The following SHARPIN variants were observed in gnomAD, a reference collection of about 807,000 sequenced individuals.
SHARPIN encodes the protein hSIPL1.
In SHARPIN, 25 loss-of-function variants were observed where a neutral mutation model predicts 40.3. That is an observed-to-expected ratio of 0.62 (90% CI 0.45 to 0.87). SHARPIN has a LOEUF of 0.87. SHARPIN is among the 40% of genes least tolerant of loss of function. The probability of loss-of-function intolerance (pLI) is 0.00; values close to 1 mark genes in which losing one functional copy is unlikely to be tolerated. For missense variants in SHARPIN, 551 were observed against 516.1 expected, an observed-to-expected ratio of 1.07 and a Z score of -0.66; for synonymous variants, 274 against 221.8, an observed-to-expected ratio of 1.24 and a Z score of -2.09.
intron 2 of SHARPIN, chr8:144,102,553 G>C (rs963553064): frequency 2.3e-5 from 4 of 170,636 alleles, no homozygotes; most frequent in African/African-American, 9.6e-5. Context: ...AATTACAGGC[G>C]TGAGCCACCC....
At chr8:144,101,387 C>T (rs959330196) in intron 2 of SHARPIN, among the ~76,000 whole-genome samples, 1 of 146,164 alleles carries the variant, frequency 6.8e-6, no homozygotes, top group Non-Finnish European at 1.5e-5. Flanking sequence ...CAGGCAGACA[C>T]GACTACACTC....
intron 2 of SHARPIN, among the ~76,000 whole-genome samples, chr8:144,101,243 T>G (rs1446525208): frequency 4.1e-5 from 5 of 122,544 alleles, no homozygotes; most frequent in East Asian, 2.0e-4. Flanking sequence ...ATTATTTTTG[T>G]TTTTTTTTTT....
At position 144,098,780 on chromosome 8, in the gene SHARPIN, C is replaced by T. The variant is rs528356654; in HGVS notation, c.*21G>A. 4.2e-4 allele frequency: 399 copies of T among 939,420 alleles called. 2 individuals carry two copies. In the Middle Eastern group the frequency reaches 7.6e-3, roughly 18 times the overall value. 58.2% of individuals were successfully genotyped at this position (939,420 alleles called of 1,614,324 possible). Reference sequence around the variant, plus strand: ...ACTTGTGAGGGAAGGGCCACTCTCCCCTTGTAACCTGTGGGGGAGGAGCTG... The same window carrying T: ...ACTTGTGAGGGAAGGGCCACTCTCCTCTTGTAACCTGTGGGGGAGGAGCTG... On this transcript the variant is annotated 3_prime_UTR_variant, in exon 9 of 9. Transcript: ENST00000398712.
chr8:144,100,745 CAG>C (rs1208824770), intron 2 of SHARPIN: 2 of 153,342 alleles, frequency 1.3e-5, no homozygotes, highest in East Asian at 3.8e-4. Context: ...ATGCTCACCT[CAG>C]GGTTTGTTTG....
chr8:144,103,522 G>A (rs1205683535), intron 1 of SHARPIN, 31 bp downstream of exon 1: 12 of 1,528,578 alleles, frequency 7.9e-6, no homozygotes, highest in African/African-American at 2.8e-5. Flanking sequence ...GGGCCAAGAG[G>A]ACTGACCGCG....
chr8:144,101,948 ACTGT>A (rs1439385067), intron 2 of SHARPIN, among the ~76,000 whole-genome samples: 1 of 151,940 alleles, frequency 6.6e-6, no homozygotes, highest in African/African-American at 2.4e-5. Context: ...CTCTTACATC[ACTGT>A]CTGGCTGTCT....
At chr8:144,102,472 C>T (rs997594600) in intron 2 of SHARPIN, among the ~76,000 whole-genome samples, 1 of 152,072 alleles carries the variant, frequency 6.6e-6, no homozygotes, top group Admixed American at 6.6e-5. Flanking sequence ...CAGGGTTTCA[C>T]CTTGCTGACC....
At position 144,103,552 on chromosome 8, in the gene SHARPIN, C is replaced by G. The variant is rs1182300965; in HGVS notation, c.201+1G>C. On this transcript the variant is annotated splice_donor_variant, in intron 1 of 8. Transcript: ENST00000398712. LOFTEE classifies it high-confidence loss of function. ...ACCGCGCGCCCTCCGCCCCCACTCACCGCCCCAGGTCCCGCGCCCAGCAGC... is the reference window on the plus strand; with the variant it reads ...ACCGCGCGCCCTCCGCCCCCACTCAGCGCCCCAGGTCCCGCGCCCAGCAGC... 3 of 1,531,798 alleles carry G rather than the reference C, an allele frequency of 2.0e-6. No individual in the cohort carries two copies. Among genetic ancestry groups the G allele is most frequent in the Non-Finnish European group, 2.6e-6 (3 of 1,145,686 alleles). The allele number at this position is 1,531,798 out of a possible 1,614,324, so 94.9% of individuals were successfully genotyped here. A position where few individuals can be genotyped will look rare whatever the true frequency, so the allele number is the denominator to read the frequency against.
At chr8:144,103,021 T>C (rs766369803) in intron 2 of SHARPIN, 30 bp downstream of exon 2, 2 of 1,611,554 alleles carry the variant, frequency 1.2e-6, no homozygotes, top group African/African-American at 1.3e-5. Flanking sequence ...CTATTCCAAA[T>C]TGTAATTGTA....
Position 144,098,776 on chromosome 8 carries a change from C to T in SHARPIN, c.*25G>A. 3 of 897,944 alleles carry T rather than the reference C, an allele frequency of 3.3e-6. No homozygotes were observed. Among genetic ancestry groups the T allele is most frequent in the Non-Finnish European group, 5.0e-6 (3 of 599,088 alleles). 55.6% of individuals were successfully genotyped at this position (897,944 alleles called of 1,614,324 possible). On this transcript the variant is annotated 3_prime_UTR_variant, in exon 9 of 9. Coordinates refer to ENST00000398712, the MANE Select transcript of SHARPIN (RefSeq NM_030974.4). ...TCGGACTTGTGAGGGAAGGGCCACT[C>T]TCCCCTTGTAACCTGTGGGGGAGGA...
At chr8:144,102,669 G>A (rs1169302681) in intron 2 of SHARPIN, 5 of 339,204 alleles carry the variant, frequency 1.5e-5, no homozygotes, top group South Asian at 2.7e-5. Flanking sequence ...TAAGCAGGAG[G>A]TATCTGAGTC....
Position 144,099,409 on chromosome 8 carries a change from G to A in SHARPIN, c.790C>T (p.Pro264Ser). Reference protein sequence around the residue: ...QEQVFSELGFPPAVQRWVIGR... With the variant: ...QEQVFSELGFSPAVQRWVIGR... ...ATGACCCAGCGTTGCACGGCTGGCG[G>A]GAAACCGAGCTCTGAGAACACCTGT... is the stretch of plus-strand genomic sequence containing the variant. The change falls in exon 6 of 9, where the codon CCG (proline) becomes TCG (serine). Residue 264 changes from proline (P) to serine (S), a missense_variant. Coordinates refer to ENST00000398712, the MANE Select transcript of SHARPIN (RefSeq NM_030974.4). 6.2e-7 allele frequency: 1 copy of A among 1,612,554 alleles called. No homozygotes were observed. Among genetic ancestry groups the A allele is most frequent in the Non-Finnish European group, 8.5e-7 (1 of 1,179,140 alleles).
intron 2 of SHARPIN, among the ~76,000 whole-genome samples, chr8:144,102,351 G>A (rs1231663924): frequency 6.8e-6 from 1 of 147,212 alleles, no homozygotes; most frequent in Non-Finnish European, 1.5e-5. Context: ...TCAGCTCACT[G>A]CAACCTCTGC....
rs775877099 is a variant in SHARPIN, at chr8:144,103,003, G to A, written c.376+48C>T. 3.1e-6 allele frequency: 5 copies of A among 1,609,374 alleles called. No homozygotes were observed. The East Asian group carries it at 1.1e-4, about 36-fold the overall frequency. ...CCAACTTCCCCAACCAGGACTGGGG[G>A]GCCAAGGCTATTCCAAATTGTAATT... On this transcript the variant is annotated intron_variant, in intron 2 of 8. Transcript: ENST00000398712.
At chr8:144,103,401 G>A (rs1836330837) in intron 1 of SHARPIN, 152 bp downstream of exon 1, 1 of 1,053,460 alleles carries the variant, frequency 9.5e-7, no homozygotes, top group Non-Finnish European at 1.4e-6. Flanking sequence ...CAGTAGGTCC[G>A]AGCGTCACCC....
chr8:144,101,558 A>G (rs1396898478), intron 2 of SHARPIN, among the ~76,000 whole-genome samples: 1 of 143,320 alleles, frequency 7.0e-6, no homozygotes, highest in Non-Finnish European at 1.5e-5. Context: ...ATAGGTCCCC[A>G]CCACCACACC....
rs961324449 is a variant in SHARPIN, at chr8:144,099,771, G to A, written c.591C>T (p.Val197=). The change falls in exon 4 of 9, where the codon GTC becomes GTT. Residue 197 remains valine (V), a synonymous_variant. Coordinates refer to ENST00000398712, the MANE Select transcript of SHARPIN (RefSeq NM_030974.4). ...TCAGGGCCACACGATGCTGGGCCAG[G>A]ACGGCTGCCACTTGGGCTGCCCCCT... The part of the protein sequence containing the change: ...DEKGAAQVAA[V]LAQHRVALSV... 1.3e-5 allele frequency: 21 copies of A among 1,612,888 alleles called. No homozygotes were observed. In the African/African-American group the frequency reaches 2.7e-4, roughly 21 times the overall value.
At chr8:144,102,987 C>T in intron 2 of SHARPIN, 64 bp downstream of exon 2, 1 of 1,601,562 alleles carries the variant, frequency 6.2e-7, no homozygotes, top group Non-Finnish European at 8.5e-7. Flanking sequence ...TCCAACTTCC[C>T]CAACCAGGAC....
At position 144,099,405 on chromosome 8, in the gene SHARPIN, G is replaced by C; in HGVS notation, c.794C>G (p.Pro265Arg). 1 of 1,612,966 alleles carries C rather than the reference G, an allele frequency of 6.2e-7. No homozygotes were observed. The highest frequency in any genetic ancestry group is 2.2e-5 in the East Asian group (1 of 44,882). Residue 265 changes from proline (P) to arginine (R), a missense_variant, in exon 6 of 9, where the codon CCA (proline) becomes CGA (arginine). Pro to Arg is a moderately radical substitution (Grantham distance 103, BLOSUM62 -2). Coordinates refer to ENST00000398712, the MANE Select transcript of SHARPIN (RefSeq NM_030974.4). ...TCCGATGACCCAGCGTTGCACGGCT[G>C]GCGGGAAACCGAGCTCTGAGAACAC... ...EQVFSELGFP[P>R]AVQRWVIGRC...
Sources: gnomAD v4.1 joint callset for allele counts (sites outside exome capture counted in the v4.1 genomes callset) on GRCh38, gnomAD v4.1.1 for gene constraint, MANE v1.5 for transcripts, NCBI Gene and HGNC (gene_info 2026-07-23, HGNC 2026-07-21) for gene names.